Variants in SLC4A7 observed in about 807,000 individuals in gnomAD.
SLC4A7 encodes solute carrier family 4 member 7, also known as sodium bicarbonate cotransporter 3.
Under a neutral mutation model 137.6 loss-of-function variants are expected in SLC4A7, and 51 were observed. The observed-to-expected ratio is 0.37, with a 90% CI of 0.30 to 0.47. The LOEUF (loss-of-function observed/expected upper bound fraction) is 0.47, where lower values mean the gene tolerates loss of function less well. Ranked by LOEUF, SLC4A7 falls within the 20% of genes least tolerant of loss-of-function variation. The pLI is 1.00. For missense variants in SLC4A7, 1,247 were observed against 1,525.4 expected, an observed-to-expected ratio of 0.82 and a Z score of 3.04; for synonymous variants, 542 against 518.6, an observed-to-expected ratio of 1.05 and a Z score of -0.61.
intron 1 of SLC4A7, among the ~76,000 whole-genome samples, chr3:27,471,623 C>T (rs1318505401): frequency 6.6e-6 from 1 of 152,160 alleles, no homozygotes; most frequent in African/African-American, 2.4e-5. Context: ...CCGCCCACCT[C>T]GGCCTCCCAA....
At chr3:27,460,187 C>T (rs1234697187) in intron 1 of SLC4A7, among the ~76,000 whole-genome samples, 1 of 152,038 alleles carries the variant, frequency 6.6e-6, no homozygotes, top group South Asian at 2.1e-4. Flanking sequence ...GCGTCCACCA[C>T]TACGCTCAGC....
chr3:27,400,733 T>C, intron 16 of SLC4A7, 31 bp downstream of exon 16: 1 of 1,321,956 alleles, frequency 7.6e-7, no homozygotes, highest in Non-Finnish European at 1.1e-6. Flanking sequence ...CAATATCTAT[T>C]ACAAAACCCT....
chr3:27,404,150 C>A, intron 14 of SLC4A7, among the ~76,000 whole-genome samples: 1 of 152,214 alleles, frequency 6.6e-6, no homozygotes. Flanking sequence ...GCAGGTGGAA[C>A]ACTTGAGGTC....
chr3:27,396,088 A>G (rs531763880), intron 18 of SLC4A7, among the ~76,000 whole-genome samples: 1 of 152,322 alleles, frequency 6.6e-6, no homozygotes, highest in Admixed American at 6.5e-5. Flanking sequence ...AAACCTAAAC[A>G]TATGTTTTTA....
intron 2 of SLC4A7, among the ~76,000 whole-genome samples, chr3:27,449,110 C>A (rs929602910): frequency 6.6e-6 from 1 of 151,538 alleles, no homozygotes; most frequent in Non-Finnish European, 1.5e-5. Context: ...CCATGTTGGT[C>A]AGGCTGGTCT....
At chr3:27,438,839 A>C (rs2056968093) in intron 3 of SLC4A7, among the ~76,000 whole-genome samples, 1 of 152,182 alleles carries the variant, frequency 6.6e-6, no homozygotes, top group South Asian at 2.1e-4. Flanking sequence ...ACTATACAGA[A>C]ACTGTCTTTT....
intron 1 of SLC4A7, among the ~76,000 whole-genome samples, chr3:27,478,580 T>C (rs2059571598): frequency 6.6e-6 from 1 of 150,376 alleles, no homozygotes; most frequent in Non-Finnish European, 1.5e-5. Flanking sequence ...CAGTGGACTA[T>C]GCTTTAACCC....
At chr3:27,443,630 A>G (rs2057386025) in intron 3 of SLC4A7, among the ~76,000 whole-genome samples, 1 of 151,864 alleles carries the variant, frequency 6.6e-6, no homozygotes, top group Non-Finnish European at 1.5e-5. Flanking sequence ...TTCTGTTCTA[A>G]TATAAGGATT....
intron 7 of SLC4A7, among the ~76,000 whole-genome samples, chr3:27,428,759 G>A (rs2055927575): frequency 6.6e-6 from 1 of 152,160 alleles, no homozygotes; most frequent in South Asian, 2.1e-4. Flanking sequence ...ACCCACTGAA[G>A]TGCTGGATGT....
intron 14 of SLC4A7, 67 bp downstream of exon 14, chr3:27,404,763 T>C: frequency 1.5e-6 from 2 of 1,297,324 alleles, no homozygotes; most frequent in Non-Finnish European, 2.1e-6. Context: ...ATTAAATAAT[T>C]CCCTTCTAAG....
chr3:27,462,280 T>C (rs1267375658), intron 1 of SLC4A7, among the ~76,000 whole-genome samples: 2 of 152,158 alleles, frequency 1.3e-5, no homozygotes, highest in African/African-American at 4.8e-5. Context: ...GGTGCAGCAA[T>C]ATGACTTCTG....
chr3:27,453,908 G>A (rs2058246004), intron 1 of SLC4A7, among the ~76,000 whole-genome samples: 1 of 152,156 alleles, frequency 6.6e-6, no homozygotes, highest in African/African-American at 2.4e-5. Context: ...TGAATGATTG[G>A]TGTTCAATTT....
At chr3:27,476,706 G>A (rs1052854418) in intron 1 of SLC4A7, among the ~76,000 whole-genome samples, 2 of 152,130 alleles carry the variant, frequency 1.3e-5, no homozygotes, top group African/African-American at 4.8e-5. Context: ...CTACTGCCAT[G>A]TGAAGACTTG....
Position 27,433,900 on chromosome 3 carries a change from C to A in SLC4A7, c.778+16G>T. The A allele has an allele frequency of 6.2e-7, 1 of 1,612,298 alleles. No individual in the cohort carries two copies. Among genetic ancestry groups the A allele is most frequent in the South Asian group, 1.1e-5 (1 of 90,760 alleles). On this transcript the variant is annotated intron_variant, in intron 6 of 25. Transcript: ENST00000454389. ...TAGAAGTGTTAGCAAAAATTGGATG[C>A]CACAACTTATCTCACCATTCCTTTC... is the stretch of plus-strand genomic sequence containing the variant.
At position 27,409,545 on chromosome 3, in the gene SLC4A7, T is replaced by C. The variant is rs149601096; in HGVS notation, c.1767-15A>G. 6.2e-4 allele frequency: 992 copies of C among 1,603,380 alleles called. 8 individuals are homozygous for C. The African/African-American group carries it at 0.012, about 19-fold the overall frequency. ...CACCAAAAAGCCTAAATAGGTGAGA[T>C]GAAACTCGTCAAACTGTACACTAGA... On this transcript the variant is annotated splice_polypyrimidine_tract_variant and intron_variant, in intron 12 of 25. Transcript: ENST00000454389.
At chr3:27,438,578 AATAACATAAAATAAAATAAC>A (rs1490893415) in intron 3 of SLC4A7, among the ~76,000 whole-genome samples, 16 of 148,336 alleles carry the variant, frequency 1.1e-4, no homozygotes, top group African/African-American at 2.7e-4. Flanking sequence ...AAAATAACAA[AATAACATAAAATAAAATAAC>A]ATAACATAAA....
intron 1 of SLC4A7, among the ~76,000 whole-genome samples, chr3:27,457,560 T>C (rs1004731522): frequency 5.9e-5 from 9 of 152,148 alleles, no homozygotes; most frequent in Admixed American, 1.3e-4. Flanking sequence ...ACTCAACAAG[T>C]ATATTGTTTC....
chr3:27,413,147 T>C (rs2054071600), intron 11 of SLC4A7, among the ~76,000 whole-genome samples: 3 of 152,126 alleles, frequency 2.0e-5, no homozygotes, highest in African/African-American at 7.2e-5. Context: ...AAATACATAC[T>C]ACATATAACT....
chr3:27,480,004 T>C (rs1045885477), intron 1 of SLC4A7, among the ~76,000 whole-genome samples: 1 of 152,156 alleles, frequency 6.6e-6, no homozygotes, highest in Non-Finnish European at 1.5e-5. Context: ...ATGTTGACAA[T>C]TATAACTAGC....
Sources: allele counts gnomAD v4.1 joint callset (sites outside exome capture counted in the v4.1 genomes callset), GRCh38; gene constraint gnomAD v4.1.1; transcripts MANE v1.5; gene names NCBI Gene and HGNC (gene_info 2026-07-23, HGNC 2026-07-21).